Variants in GALNT18 observed in about 807,000 individuals in gnomAD.
GALNT18 encodes the protein GalNAc-transferase 18.
In GALNT18, 44 loss-of-function variants were observed where a neutral mutation model predicts 69.5. The ratio of observed to expected loss-of-function variants is 0.63; its 90% CI spans 0.50 to 0.81. The LOEUF is 0.81. Among genes scored for constraint, GALNT18 ranks in the 40% least tolerant of loss-of-function variants. GALNT18 has a pLI of 0.00. For missense variants in GALNT18, 715 were observed against 810.0 expected (o/e 0.88, Z 1.42); for synonymous variants, 364 against 318.2 (o/e 1.14, Z -1.53).
At chr11:11,373,689 TG>T (rs1850967099) in intron 5 of GALNT18, among the ~76,000 whole-genome samples, 1 of 152,232 alleles carries the variant, frequency 6.6e-6, no homozygotes, top group Non-Finnish European at 1.5e-5. Context: ...GCTGTGAGCT[TG>T]GGTCTCACCA....
At chr11:11,462,583 G>A (rs1407680952) in intron 1 of GALNT18, among the ~76,000 whole-genome samples, 5 of 151,974 alleles carry the variant, frequency 3.3e-5, no homozygotes, top group South Asian at 2.1e-4. Context: ...ATAAGCCACC[G>A]CACCCGGCCC....
chr11:11,406,740 G>C (rs996683752), intron 3 of GALNT18, among the ~76,000 whole-genome samples: 1 of 152,194 alleles, frequency 6.6e-6, no homozygotes, highest in Non-Finnish European at 1.5e-5. Context: ...ATGATAATCA[G>C]AATACATGGG....
chr11:11,575,344 C>A (rs1051756042), intron 1 of GALNT18, among the ~76,000 whole-genome samples: 2 of 152,208 alleles, frequency 1.3e-5, no homozygotes, highest in African/African-American at 4.8e-5. Context: ...CCCTTCCTAA[C>A]CCCTACATCT....
chr11:11,364,030 G>A (rs1159554693), intron 6 of GALNT18, among the ~76,000 whole-genome samples: 1 of 152,206 alleles, frequency 6.6e-6, no homozygotes, highest in East Asian at 1.9e-4. Flanking sequence ...AAACCCATAA[G>A]TTCACAGGGA....
intron 3 of GALNT18, among the ~76,000 whole-genome samples, chr11:11,428,460 T>A (rs1855186072): frequency 6.6e-6 from 1 of 152,260 alleles, no homozygotes. Flanking sequence ...ATCAGGCCAC[T>A]GAGCCTGCTG....
intron 1 of GALNT18, among the ~76,000 whole-genome samples, chr11:11,533,576 G>A (rs1590078472): frequency 6.6e-6 from 1 of 152,110 alleles, no homozygotes; most frequent in East Asian, 1.9e-4. Flanking sequence ...CTGAGTCAGG[G>A]CTAACCATGG....
Position 11,502,713 on chromosome 11 carries a change from T to C in GALNT18, c.236-53777A>G, listed in dbSNP as rs144801273. Among the ~76,000 whole-genome samples, 24 of 152,350 alleles carry C rather than the reference T, an allele frequency of 1.6e-4. No individual in the cohort carries two copies. In the East Asian group the frequency reaches 3.1e-3, roughly 20 times the overall value. On this transcript the variant is annotated intron_variant, in intron 1 of 10. Transcript: ENST00000227756. ...CCTGTATGAAATGCAAACATCCTCA[T>C]TTGGCAGCCGCAGACTTTGCTAAAT... is the stretch of plus-strand genomic sequence containing the variant.
At chr11:11,429,501 T>C (rs1356445110) in intron 3 of GALNT18, among the ~76,000 whole-genome samples, 1 of 152,216 alleles carries the variant, frequency 6.6e-6, no homozygotes, top group Non-Finnish European at 1.5e-5. Flanking sequence ...CTGGCTTATG[T>C]GCTTGCCTCC....
At chr11:11,449,317 C>T (rs1855738611) in intron 1 of GALNT18, among the ~76,000 whole-genome samples, 1 of 152,220 alleles carries the variant, frequency 6.6e-6, no homozygotes, top group Admixed American at 6.5e-5. Flanking sequence ...CCTGTACCCC[C>T]ATTTCCTGCA....
intron 1 of GALNT18, among the ~76,000 whole-genome samples, chr11:11,560,322 T>C (rs77499932): frequency 0.041 from 4,479 of 110,512 alleles, 165 homozygotes; most frequent in African/African-American, 0.11. Flanking sequence ...TATGATAGGA[T>C]GGGGTGGGAT....
rs1860201289 is a variant in GALNT18, at chr11:11,621,813, C to A, written c.-220G>T. Reference sequence around the variant, plus strand: ...CCCGGAGAGACCTTGACAAAGGAAACCAGGTGGATTTTTTTCCAAATTAAA... The same window carrying A: ...CCCGGAGAGACCTTGACAAAGGAAAACAGGTGGATTTTTTTCCAAATTAAA... On this transcript the variant is annotated 5_prime_UTR_variant, in exon 1 of 11. Transcript: ENST00000227756. This position sits in a 1 kb window ranked among gnomAD's most constrained non-coding sequence, Gnocchi z 9.3. 1.7e-6 allele frequency: 1 copy of A among 575,272 alleles called. No homozygotes were observed. Among genetic ancestry groups the A allele is most frequent in the Non-Finnish European group, 3.1e-6 (1 of 324,042 alleles). The allele number at this position is 575,272 out of a possible 1,614,324, so 35.6% of individuals were successfully genotyped here.
Position 11,540,313 on chromosome 11 carries a change from G to A in GALNT18, c.235+81046C>T, listed in dbSNP as rs141863804. Among the ~76,000 whole-genome samples, 17 of 152,168 alleles carry A rather than the reference G, an allele frequency of 1.1e-4. No individual in the cohort carries two copies. The highest frequency in any genetic ancestry group is 6.2e-4 in the South Asian group (3 of 4,816). ...AGGTGCAGGATAAATGTTTTTCTTC[G>A]TCGTTGCCATGGAAACTTGTGACTC... On this transcript the variant is annotated intron_variant, in intron 1 of 10. Coordinates refer to ENST00000227756, the MANE Select transcript of GALNT18 (RefSeq NM_198516.3). This position sits in a 1 kb window ranked among gnomAD's most constrained non-coding sequence, Gnocchi z 4.6.
Position 11,406,205 on chromosome 11 carries a change from A to G in GALNT18, c.595+26416T>C, listed in dbSNP as rs563094980. ...TAATAGCCATATTTTCCAAGCACCT[A>G]CTATGGGCTAAGCATATAGCCTGGG... On this transcript the variant is annotated intron_variant, in intron 3 of 10. Transcript: ENST00000227756. Among the ~76,000 whole-genome samples, 14 of 152,362 alleles carry G rather than the reference A, an allele frequency of 9.2e-5. No individual in the cohort carries two copies. In the East Asian group the frequency reaches 2.7e-3, roughly 29 times the overall value.
Position 11,555,435 on chromosome 11 carries a change from C to T in GALNT18, c.235+65924G>A, listed in dbSNP as rs944865949. On this transcript the variant is annotated intron_variant, in intron 1 of 10. Transcript: ENST00000227756. The surrounding 1 kb of genome is among the most constrained non-coding windows in gnomAD (Gnocchi z 4.7). ...GACAGCATCAGCCCAGGAGTGGCCA[C>T]GTGCCAGCAGGCGTGCAGCTTAAAA... Among the ~76,000 whole-genome samples, 17 of 152,214 alleles carry T rather than the reference C, an allele frequency of 1.1e-4. No homozygotes were observed. Among genetic ancestry groups the T allele is most frequent in the Admixed American group, 8.5e-4 (13 of 15,282 alleles).
intron 3 of GALNT18, among the ~76,000 whole-genome samples, chr11:11,427,483 TTCCGACGGCTCTGC>T (rs894775882): frequency 7.2e-5 from 11 of 152,196 alleles, no homozygotes; most frequent in African/African-American, 2.7e-4. Context: ...GAGGAAGACA[TTCCGACGGCTCTGC>T]TCGGCTGAGT....
intron 1 of GALNT18, among the ~76,000 whole-genome samples, chr11:11,482,066 G>C (rs554352847): frequency 5.3e-5 from 8 of 152,164 alleles, no homozygotes; most frequent in African/African-American, 1.9e-4. Flanking sequence ...ACTGGGCTAC[G>C]GGCCTCCTGA....
rs116437254 is a variant in GALNT18, at chr11:11,404,946, C to T, written c.596-25682G>A. 0.021 allele frequency among the ~76,000 whole-genome samples: 3,250 copies of T among 152,228 alleles called. 108 individuals carry two copies. The highest frequency in any genetic ancestry group is 0.075 in the African/African-American group (3,098 of 41,532). On this transcript the variant is annotated intron_variant, in intron 3 of 10. Coordinates refer to ENST00000227756, the MANE Select transcript of GALNT18 (RefSeq NM_198516.3). This position sits in a 1 kb window ranked among gnomAD's most constrained non-coding sequence, Gnocchi z 4.5. Reference sequence around the variant, plus strand: ...CTAGAGCAGAGCATGAAAGGGGTCCCGCCTGTCATGGGGGAACAGATGAAG... The same window carrying T: ...CTAGAGCAGAGCATGAAAGGGGTCCTGCCTGTCATGGGGGAACAGATGAAG...
Position 11,406,521 on chromosome 11 carries a change from G to A in GALNT18, c.595+26100C>T, listed in dbSNP as rs111795062. ...CAGCCCCCTGTCCATCTCCAAAGTCGCTTGCAGAAATGGTTCGACATTTAT... is the reference window on the plus strand; with the variant it reads ...CAGCCCCCTGTCCATCTCCAAAGTCACTTGCAGAAATGGTTCGACATTTAT... On this transcript the variant is annotated intron_variant, in intron 3 of 10. Transcript: ENST00000227756. Among the ~76,000 whole-genome samples the A allele has an allele frequency of 7.4e-4, 113 of 152,276 alleles. 1 individual carries two copies. The highest frequency in any genetic ancestry group is 2.2e-3 in the African/African-American group (92 of 41,552).
At chr11:11,319,098 G>T (rs921350080) in intron 9 of GALNT18, among the ~76,000 whole-genome samples, 1 of 134,264 alleles carries the variant, frequency 7.4e-6, no homozygotes, top group Non-Finnish European at 1.6e-5. Flanking sequence ...TTGCTTAACC[G>T]TCTTACTTAG....
Sources: allele counts gnomAD v4.1 joint callset (sites outside exome capture counted in the v4.1 genomes callset), GRCh38; gene constraint gnomAD v4.1.1; non-coding constraint Gnocchi (gnomAD v3.1); transcripts MANE v1.5; gene names NCBI Gene and HGNC (gene_info 2026-07-23, HGNC 2026-07-21).